YAF2: variants seen among roughly 807,000 people sequenced by gnomAD.
YAF2 encodes YY1-associated factor 2.
YAF2 carries 7 observed loss-of-function variants against 20.1 expected under a neutral mutation model. The observed-to-expected ratio is 0.35, with a 90% CI of 0.20 to 0.65. YAF2 has a LOEUF of 0.65. YAF2 is among the 30% of genes least tolerant of loss of function. The pLI is 0.69. For missense variants in YAF2, 151 were observed against 219.2 expected, an observed-to-expected ratio of 0.69 and a Z score of 1.96; for synonymous variants, 74 against 76.0, an observed-to-expected ratio of 0.97 and a Z score of 0.14.
intron 2 of YAF2, chr12:42,232,201 G>T: frequency 6.5e-6 from 1 of 154,454 alleles, no homozygotes; most frequent in Non-Finnish European, 1.4e-5. Flanking sequence ...ACATGGTGGT[G>T]AATATTACAA....
At chr12:42,193,041 C>T (rs1037053126) in intron 2 of YAF2, among the ~76,000 whole-genome samples, 66 of 152,214 alleles carry the variant, frequency 4.3e-4, no homozygotes, top group African/African-American at 1.5e-3. Context: ...CGGCCGGGCA[C>T]GGTGGCTCAC....
intron 2 of YAF2, among the ~76,000 whole-genome samples, chr12:42,193,150 C>A (rs1565620745): frequency 6.6e-6 from 1 of 151,860 alleles, no homozygotes; most frequent in Admixed American, 6.6e-5. Context: ...CCCTGTCTCT[C>A]CTAAAAATAC....
At chr12:42,169,521 C>T (rs1376840823) in intron 2 of YAF2, among the ~76,000 whole-genome samples, 1 of 151,902 alleles carries the variant, frequency 6.6e-6, no homozygotes, top group Non-Finnish European at 1.5e-5. Flanking sequence ...TCAAGCAATC[C>T]TCCCCTCTCA....
At chr12:42,187,223 C>T (rs1289482849) in intron 2 of YAF2, among the ~76,000 whole-genome samples, 1 of 152,120 alleles carries the variant, frequency 6.6e-6, no homozygotes, top group Non-Finnish European at 1.5e-5. Flanking sequence ...GTGGCACAAT[C>T]ATAGTTCACT....
intron 2 of YAF2, among the ~76,000 whole-genome samples, chr12:42,163,683 C>T (rs569066917): frequency 6.6e-6 from 1 of 152,284 alleles, no homozygotes; most frequent in South Asian, 2.1e-4. Flanking sequence ...ATGATTATTT[C>T]ATCTGGTTCA....
rs1440956977 is a variant in YAF2 at position 42,160,256 on chromosome 12, G to A, written c.*333C>T. 1.9e-5 allele frequency: 4 copies of A among 214,090 alleles called. No individual in the cohort carries two copies. The highest frequency in any genetic ancestry group is 8.8e-5 in the South Asian group (1 of 11,402). 13.3% of individuals were successfully genotyped at this position (214,090 alleles called of 1,614,324 possible). A position where few individuals can be genotyped will look rare whatever the true frequency, so the allele number is the denominator to read the frequency against. ...ACTATGTTATAAAAAATTTAAATTC[G>A]TTACATGCCAATAGTAGAGAATTCA... is the stretch of plus-strand genomic sequence containing the variant. On this transcript the variant is annotated 3_prime_UTR_variant, in exon 4 of 4. Coordinates refer to ENST00000534854, the MANE Select transcript of YAF2 (RefSeq NM_005748.6).
chr12:42,171,738 G>A (rs1386537714), intron 2 of YAF2, among the ~76,000 whole-genome samples: 4 of 151,462 alleles, frequency 2.6e-5, no homozygotes, highest in Admixed American at 1.3e-4. Flanking sequence ...TGGATTATTT[G>A]AGCTCAGGAG....
intron 2 of YAF2, among the ~76,000 whole-genome samples, chr12:42,224,262 T>C (rs999148977): frequency 2.6e-5 from 4 of 152,214 alleles, no homozygotes; most frequent in Non-Finnish European, 5.9e-5. Flanking sequence ...ATTGCATATG[T>C]TTCCCAGTAA....
intron 2 of YAF2, chr12:42,232,798 T>C (rs1271021564): frequency 1.0e-6 from 1 of 985,476 alleles, no homozygotes; most frequent in South Asian, 4.7e-5. Flanking sequence ...GTGGATTTTA[T>C]AGCTTACTTT....
Position 42,185,584 on chromosome 12 carries a change from C to T in YAF2, c.153-23819G>A, listed in dbSNP as rs80251304. 2.3e-3 allele frequency among the ~76,000 whole-genome samples: 347 copies of T among 152,266 alleles called. 8 individuals carry two copies. In the East Asian group the frequency reaches 0.058, roughly 25 times the overall value. On this transcript the variant is annotated intron_variant, in intron 2 of 3. Coordinates refer to ENST00000534854, the MANE Select transcript of YAF2 (RefSeq NM_005748.6). The stretch of plus-strand genomic sequence containing the variant: ...TAAAAATTGCTACAGCCACCCCAAC[C>T]TTCAACAATCACCAACATGATCACT...
chr12:42,178,270 T>C (rs903535093), intron 2 of YAF2, among the ~76,000 whole-genome samples: 1 of 152,156 alleles, frequency 6.6e-6, no homozygotes, highest in Non-Finnish European at 1.5e-5. Context: ...CCTTTTAAAA[T>C]TACTATACTT....
In YAF2 at chr12:42,160,639, A is replaced by T; in HGVS notation, c.493T>A (p.Ser165Thr). 3 of 1,613,866 alleles carry T rather than the reference A, an allele frequency of 1.9e-6. No individual in the cohort carries two copies. Among genetic ancestry groups the T allele is most frequent in the Non-Finnish European group, 2.5e-6 (3 of 1,179,876 alleles). The change falls in exon 4 of 4, where the codon TCA (serine) becomes ACA (threonine). Residue 165 changes from serine (S) to threonine (T), a missense_variant. Around this residue, in one of 3 missense-constraint regions of YAF2, gnomAD observed 51 missense variants for 48.9 expected, o/e 1.04. Transcript: ENST00000534854. ...SDNTERGMSR[S>T]SSPRGEASSL... is the part of the protein sequence containing the mutation. Reference sequence around the variant, plus strand: ...GAGGCTTCTCCTCTGGGTGAAGATGACCTGGACATTCCTCTCTCTGTGTTA... The same window carrying T: ...GAGGCTTCTCCTCTGGGTGAAGATGTCCTGGACATTCCTCTCTCTGTGTTA...
chr12:42,203,923 C>T (rs777729086), intron 2 of YAF2, among the ~76,000 whole-genome samples: 2 of 152,112 alleles, frequency 1.3e-5, no homozygotes, highest in Admixed American at 6.5e-5. Flanking sequence ...ACAAATATCA[C>T]CATTAAAACT....
At chr12:42,221,679 G>A (rs1283932099) in intron 2 of YAF2, among the ~76,000 whole-genome samples, 1 of 152,146 alleles carries the variant, frequency 6.6e-6, no homozygotes, top group African/African-American at 2.4e-5. Flanking sequence ...AGGATACGAG[G>A]CTAGAGCCAT....
chr12:42,223,124 T>G (rs1057574), intron 2 of YAF2, among the ~76,000 whole-genome samples: 1 of 152,110 alleles, frequency 6.6e-6, no homozygotes, highest in Non-Finnish European at 1.5e-5. Context: ...AGTCACAGAA[T>G]TAATATTAGA....
intron 2 of YAF2, among the ~76,000 whole-genome samples, chr12:42,195,361 C>T (rs934741347): frequency 5.3e-5 from 8 of 152,118 alleles, no homozygotes; most frequent in Admixed American, 5.2e-4. Context: ...TTAAACATAA[C>T]TTCAATTTAA....
intron 2 of YAF2, among the ~76,000 whole-genome samples, chr12:42,166,056 T>A (rs1327436862): frequency 6.6e-6 from 1 of 151,826 alleles, no homozygotes; most frequent in East Asian, 1.9e-4. Context: ...GTAGCTGGGA[T>A]TACAAGCGTG....
chr12:42,171,130 T>C (rs1045335415), intron 2 of YAF2, among the ~76,000 whole-genome samples: 14 of 152,056 alleles, frequency 9.2e-5, no homozygotes, highest in Admixed American at 6.5e-4. Flanking sequence ...GTAGCTGGGA[T>C]TGCACGTATG....
intron 2 of YAF2, among the ~76,000 whole-genome samples, chr12:42,200,836 T>C (rs900079007): frequency 5.9e-5 from 9 of 152,206 alleles, no homozygotes; most frequent in African/African-American, 2.2e-4. Flanking sequence ...ACAACTTAGG[T>C]TCAAATCCTA....
Sources: allele counts gnomAD v4.1 joint callset (sites outside exome capture counted in the v4.1 genomes callset), GRCh38; gene constraint gnomAD v4.1.1; regional missense constraint gnomAD v4.1.1; transcripts MANE v1.5; gene names NCBI Gene and HGNC (gene_info 2026-07-23, HGNC 2026-07-21).